The following GRM8 variants were observed in gnomAD, a reference collection of about 807,000 sequenced individuals.
GRM8 encodes glutamate metabotropic receptor 8.
A neutral mutation model predicts 87.2 loss-of-function variants in GRM8; 47 were observed. That is an observed-to-expected ratio of 0.54 (90% CI 0.43 to 0.69). The LOEUF is 0.69. Among genes scored for constraint, GRM8 ranks in the 30% least tolerant of loss-of-function variants. The pLI, the probability that GRM8 is intolerant of heterozygous loss-of-function variation, is 0.00. For missense variants in GRM8, 1,019 were observed against 1,139.2 expected (o/e 0.89, Z 1.52); for synonymous variants, 396 against 404.5 (o/e 0.98, Z 0.25).
chr7:126,715,072 TTC>T (rs1232876899), intron 7 of GRM8, among the ~76,000 whole-genome samples: 2 of 152,186 alleles, frequency 1.3e-5, no homozygotes, highest in African/African-American at 4.8e-5. Context: ...GTCGTGACTT[TTC>T]TCTGTTTCTT....
At chr7:126,826,416 CTGGTG>C (rs1299166508) in intron 6 of GRM8, among the ~76,000 whole-genome samples, 3 of 152,192 alleles carry the variant, frequency 2.0e-5, no homozygotes, top group Non-Finnish European at 4.4e-5. Flanking sequence ...GCCATTCTAA[CTGGTG>C]TGAGATGGTA....
At chr7:127,234,719 G>A (rs1172810433) in intron 2 of GRM8, among the ~76,000 whole-genome samples, 1 of 152,182 alleles carries the variant, frequency 6.6e-6, no homozygotes, top group East Asian at 1.9e-4. Flanking sequence ...AACTCTGCAG[G>A]TGGGCTCAGG....
chr7:126,963,813 T>C (rs1809558151), intron 3 of GRM8, among the ~76,000 whole-genome samples: 1 of 152,162 alleles, frequency 6.6e-6, no homozygotes. Context: ...TGGAGAAAAC[T>C]ACTGTTAATT....
At chr7:127,076,987 G>A (rs530806307) in intron 3 of GRM8, among the ~76,000 whole-genome samples, 3 of 152,238 alleles carry the variant, frequency 2.0e-5, no homozygotes, top group South Asian at 4.1e-4. Context: ...AGAGCCCAAG[G>A]GTGAGCCAGT....
chr7:126,829,614 T>C (rs1795156968), intron 6 of GRM8, among the ~76,000 whole-genome samples: 1 of 151,902 alleles, frequency 6.6e-6, no homozygotes, highest in Non-Finnish European at 1.5e-5. Flanking sequence ...ATGAGATGGG[T>C]TTCCTGAATA....
chr7:126,476,922 G>A (rs1255333813), intron 9 of GRM8, among the ~76,000 whole-genome samples: 2 of 151,990 alleles, frequency 1.3e-5, no homozygotes, highest in Admixed American at 6.6e-5. Context: ...GTATCTCAAG[G>A]AGATATCTGC....
intron 7 of GRM8, among the ~76,000 whole-genome samples, chr7:126,615,756 C>G (rs1375730413): frequency 6.6e-6 from 1 of 152,050 alleles, no homozygotes; most frequent in African/African-American, 2.4e-5. Flanking sequence ...TTTAAACCAA[C>G]AAAGATCAAA....
chr7:126,442,810 A>C (rs1030621052), intron 10 of GRM8, among the ~76,000 whole-genome samples: 2 of 152,074 alleles, frequency 1.3e-5, no homozygotes, highest in African/African-American at 4.8e-5. Context: ...TTGAGAAAAC[A>C]ATTCACAAAA....
chr7:126,453,565 A>T (rs934686024), intron 9 of GRM8, among the ~76,000 whole-genome samples: 2 of 151,716 alleles, frequency 1.3e-5, no homozygotes, highest in African/African-American at 4.8e-5. Context: ...CAACAAGCAG[A>T]ATATCAGCTT....
chr7:126,802,316 G>A (rs1822805400), intron 6 of GRM8, among the ~76,000 whole-genome samples: 4 of 152,088 alleles, frequency 2.6e-5, no homozygotes, highest in Admixed American at 2.6e-4. Context: ...TGTATCCTTT[G>A]GCTAATATGT....
At chr7:126,928,045 C>T (rs368060661) in intron 3 of GRM8, among the ~76,000 whole-genome samples, 43 of 152,102 alleles carry the variant, frequency 2.8e-4, no homozygotes, top group African/African-American at 6.0e-4. Context: ...CCTTAAAAAA[C>T]GGATGAGTTC....
chr7:127,164,184 G>C (rs758830967), intron 2 of GRM8, among the ~76,000 whole-genome samples: 5 of 152,080 alleles, frequency 3.3e-5, no homozygotes, highest in Non-Finnish European at 5.9e-5. Context: ...CGATGTGCCT[G>C]CTCCCCCTTT....
At chr7:127,111,009 T>C (rs1199705021) in intron 2 of GRM8, 1 of 152,190 alleles carries the variant, frequency 6.6e-6, no homozygotes, top group African/African-American at 2.4e-5. Flanking sequence ...CAACCAGACA[T>C]TTGAGAAATA....
intron 2 of GRM8, among the ~76,000 whole-genome samples, chr7:127,225,529 G>C (rs1331290441): frequency 1.3e-5 from 2 of 151,612 alleles, no homozygotes; most frequent in Admixed American, 6.6e-5. Flanking sequence ...AGAATGATCT[G>C]ATGCAGCTAG....
At chr7:126,615,586 G>C (rs2151120070) in intron 7 of GRM8, among the ~76,000 whole-genome samples, 1 of 152,232 alleles carries the variant, frequency 6.6e-6, no homozygotes, top group East Asian at 1.9e-4. Context: ...TGGCAAATTG[G>C]ATAAAGAGTC....
At chr7:126,506,443 T>A (rs1175317881) in intron 9 of GRM8, among the ~76,000 whole-genome samples, 1 of 152,072 alleles carries the variant, frequency 6.6e-6, no homozygotes, top group East Asian at 1.9e-4. Flanking sequence ...GAAGGGACTA[T>A]TCTTTCCCAG....
At chr7:127,198,638 T>C (rs1019975811) in intron 2 of GRM8, among the ~76,000 whole-genome samples, 3 of 152,102 alleles carry the variant, frequency 2.0e-5, no homozygotes, top group African/African-American at 7.2e-5. Context: ...CTCTGGCTTG[T>C]ATTGTCCAGT....
chr7:127,229,162 T>C lies in GRM8; in HGVS notation c.510+13533A>G, dbSNP rs150667413. 1.1e-4 allele frequency: 17 copies of C among 152,298 alleles called. No individual in the cohort carries two copies. The East Asian group carries it at 2.9e-3, about 26-fold the overall frequency. 9.4% of individuals were successfully genotyped at this position (152,298 alleles called of 1,614,324 possible). On this transcript the variant is annotated intron_variant, in intron 2 of 10. Coordinates refer to ENST00000339582, the MANE Select transcript of GRM8 (RefSeq NM_000845.3). The stretch of plus-strand genomic sequence containing the variant: ...GAGTTCTCCATAATTCACAGAAATA[T>C]TTAAGGGTAAATATAAGTCTTAATT...
rs149943665 is a variant in GRM8 at position 126,442,483 on chromosome 7, A to C, written c.2678-3315T>G. 1.3e-3 allele frequency among the ~76,000 whole-genome samples: 198 copies of C among 152,168 alleles called. 1 individual carries two copies. The highest frequency in any genetic ancestry group is 2.4e-3 in the Non-Finnish European group (165 of 67,962). ...GAGAAAAATTGTCATAAGAGTGATA[A>C]AAATGACTGTTAAAAGGGTCATCCA... On this transcript the variant is annotated intron_variant, in intron 10 of 10. Transcript: ENST00000339582.
Sources: allele counts gnomAD v4.1 joint callset (sites outside exome capture counted in the v4.1 genomes callset), GRCh38; gene constraint gnomAD v4.1.1; transcripts MANE v1.5; gene names NCBI Gene and HGNC (gene_info 2026-07-23, HGNC 2026-07-21).